Variants in TIAM2 observed in about 807,000 individuals in gnomAD.
The protein encoded by TIAM2 is rho guanine nucleotide exchange factor TIAM2.
A neutral mutation model predicts 152.9 loss-of-function variants in TIAM2; 80 were observed. That is an observed-to-expected ratio of 0.52 (90% confidence interval 0.44 to 0.63). The LOEUF is 0.63. Among genes scored for constraint, TIAM2 ranks in the 30% least tolerant of loss-of-function variants. The probability of loss-of-function intolerance (pLI) is 0.00; values close to 1 mark genes in which losing one functional copy is unlikely to be tolerated. For missense variants in TIAM2, 1,965 were observed against 2,120.1 expected, an observed-to-expected ratio of 0.93 and a Z score of 1.44; for synonymous variants, 804 against 838.0, an observed-to-expected ratio of 0.96 and a Z score of 0.70.
chr6:155,109,401 G>A (rs2115004287), intron 2 of TIAM2, among the ~76,000 whole-genome samples: 1 of 152,160 alleles, frequency 6.6e-6, no homozygotes, highest in Non-Finnish European at 1.5e-5. Context: ...TCTACATGAA[G>A]GTAATAACAG....
intron 15 of TIAM2, among the ~76,000 whole-genome samples, chr6:155,227,788 A>G (rs1442599410): frequency 6.6e-6 from 1 of 152,194 alleles, no homozygotes; most frequent in Admixed American, 6.5e-5. Context: ...TCCAAGGCTT[A>G]TGTTCCAAAA....
rs778301855 is a variant in TIAM2 at position 155,254,506 on chromosome 6, A to T, written c.4401A>T (p.Pro1467=). ...GGCGTCACATAAAGTGTGAATTACCACTGGAGAAAACGTGTAAGGATCGCC... is the reference window on the plus strand; with the variant it reads ...GGCGTCACATAAAGTGTGAATTACCTCTGGAGAAAACGTGTAAGGATCGCC... ...NFRRHIKCEL[P]LEKTCKDRLV... Residue 1467 remains proline, a synonymous_variant, in exon 26 of 27, where the codon CCA becomes CCT. Transcript: ENST00000682666. 1 of 1,614,162 alleles carries T rather than the reference A, an allele frequency of 6.2e-7. No homozygotes were observed. The highest frequency in any genetic ancestry group is 1.3e-5 in the African/African-American group (1 of 75,048).
chr6:155,074,693 G>A (rs1266372541), intron 1 of TIAM2, among the ~76,000 whole-genome samples: 1 of 152,080 alleles, frequency 6.6e-6, no homozygotes, highest in Non-Finnish European at 1.5e-5. Flanking sequence ...TTATTATCAA[G>A]AAGGCTTTTT....
At chr6:155,023,058 TTTC>T (rs1241943509) in intron 1 of TIAM2, among the ~76,000 whole-genome samples, 27 of 37,552 alleles carry the variant, frequency 7.2e-4, no homozygotes, top group African/African-American at 1.1e-3. Context: ...TTTTTTTTTT[TTTC>T]CCTTGGCAAG....
chr6:155,112,656 A>C (rs1307017821), intron 2 of TIAM2, among the ~76,000 whole-genome samples: 1 of 152,120 alleles, frequency 6.6e-6, no homozygotes, highest in South Asian at 2.1e-4. Flanking sequence ...TTACCACTTA[A>C]GTATCCAGTG....
At chr6:155,054,336 G>A (rs1183292051) in intron 1 of TIAM2, among the ~76,000 whole-genome samples, 1 of 152,158 alleles carries the variant, frequency 6.6e-6, no homozygotes, top group East Asian at 1.9e-4. Context: ...GGGGAATTCA[G>A]TAGGATGATG....
chr6:155,207,077 G>A (rs934844151), intron 14 of TIAM2, among the ~76,000 whole-genome samples: 1 of 152,158 alleles, frequency 6.6e-6, no homozygotes, highest in Non-Finnish European at 1.5e-5. Context: ...ATTTTCGCCT[G>A]GGAGGGGCAG....
At chr6:155,189,722 C>G (rs979728849) in intron 14 of TIAM2, among the ~76,000 whole-genome samples, 4 of 151,670 alleles carry the variant, frequency 2.6e-5, no homozygotes, top group Non-Finnish European at 5.9e-5. Context: ...AATCCTGGCT[C>G]CAAAGAAAAA....
intron 5 of TIAM2, 31 bp from the exon 6 acceptor site, chr6:155,144,575 C>T (rs371000453): frequency 1.8e-4 from 272 of 1,485,622 alleles, no homozygotes; most frequent in Admixed American, 1.0e-3. Flanking sequence ...CAGGTCTGAC[C>T]GGGATGTTAT....
intron 1 of TIAM2, among the ~76,000 whole-genome samples, chr6:155,087,385 A>T (rs1021173485): frequency 5.3e-5 from 8 of 152,214 alleles, no homozygotes; most frequent in Non-Finnish European, 1.0e-4. Flanking sequence ...GTTTTTAAAG[A>T]TTGTCAGTAT....
chr6:155,026,991 A>T (rs1776616319), intron 1 of TIAM2, among the ~76,000 whole-genome samples: 1 of 152,018 alleles, frequency 6.6e-6, no homozygotes, highest in African/African-American at 2.4e-5. Context: ...ATTTGTGTCT[A>T]TTTCTGGACT....
chr6:155,110,062 C>T (rs922607200), intron 2 of TIAM2, among the ~76,000 whole-genome samples: 8 of 151,734 alleles, frequency 5.3e-5, no homozygotes, highest in African/African-American at 1.7e-4. Context: ...GACTCTCCTG[C>T]CTCAGCCTCC....
intron 7 of TIAM2, among the ~76,000 whole-genome samples, chr6:155,154,934 C>T (rs1249411474): frequency 1.3e-5 from 2 of 152,144 alleles, no homozygotes; most frequent in Non-Finnish European, 2.9e-5. Context: ...ACAATGAGAA[C>T]AAGGCTTTGA....
chr6:155,022,843 G>A (rs75764248), intron 1 of TIAM2, among the ~76,000 whole-genome samples: 3,221 of 152,332 alleles, frequency 0.021, 71 homozygotes, highest in African/African-American at 0.058. Context: ...TAGTAGGGAA[G>A]AGGGCTAACG....
rs185733580 is a variant in TIAM2 at position 155,156,550 on chromosome 6, C to A, written c.2029-7865C>A. ...GCGCATACCTGTAATCCCAGCTACT[C>A]GGGAGGCTGAGGCAGGAGAATCGCT... On this transcript the variant is annotated intron_variant, in intron 7 of 26. Coordinates refer to ENST00000682666, the MANE Select transcript of TIAM2 (RefSeq NM_012454.4). The surrounding 1 kb of genome is among the most constrained non-coding windows in gnomAD (Gnocchi z 4.4). Among the ~76,000 whole-genome samples the A allele has an allele frequency of 6.6e-6, 1 of 152,102 alleles. No individual in the cohort carries two copies. Among genetic ancestry groups the A allele is most frequent in the Non-Finnish European group, 1.5e-5 (1 of 67,992 alleles).
intron 1 of TIAM2, among the ~76,000 whole-genome samples, chr6:155,037,863 G>C (rs148023426): frequency 2.0e-5 from 3 of 152,218 alleles, no homozygotes; most frequent in East Asian, 3.9e-4. Flanking sequence ...TACTTCTTCT[G>C]TGTCCACTGC....
intron 2 of TIAM2, among the ~76,000 whole-genome samples, chr6:155,110,934 T>G (rs1455771355): frequency 6.6e-6 from 1 of 152,186 alleles, no homozygotes; most frequent in African/African-American, 2.4e-5. Flanking sequence ...AAAGTGAGAA[T>G]AATCCTTATC....
In TIAM2 at chr6:155,247,991, T is replaced by C. The variant is rs1488114699; in HGVS notation, c.3653-9T>C. On this transcript the variant is annotated splice_polypyrimidine_tract_variant and intron_variant, in intron 19 of 26. Coordinates refer to ENST00000682666, the MANE Select transcript of TIAM2 (RefSeq NM_012454.4). ...GCTCTTCTGAGGTCTTTTATCCATC[T>C]GCTTGTAGCTAAAACTGACAAAGCC... is the stretch of plus-strand genomic sequence containing the variant. 2 of 1,612,824 alleles carry C rather than the reference T, an allele frequency of 1.2e-6. No individual in the cohort carries two copies. Among genetic ancestry groups the C allele is most frequent in the South Asian group, 2.2e-5 (2 of 90,986 alleles).
At chr6:155,099,558 G>A (rs1052825137) in intron 2 of TIAM2, among the ~76,000 whole-genome samples, 1 of 152,180 alleles carries the variant, frequency 6.6e-6, no homozygotes, top group Non-Finnish European at 1.5e-5. Context: ...GCTCACAAAC[G>A]TGATGCATAA....
Sources: allele counts gnomAD v4.1 joint callset (sites outside exome capture counted in the v4.1 genomes callset), GRCh38; gene constraint gnomAD v4.1.1; non-coding constraint Gnocchi (gnomAD v3.1); transcripts MANE v1.5; gene names NCBI Gene and HGNC (gene_info 2026-07-23, HGNC 2026-07-21).